The following NFE2L3 variants were observed in gnomAD, a reference collection of about 807,000 sequenced individuals.
NFE2L3 encodes NFE2 like bZIP transcription factor 3, also known as nuclear factor erythroid 2-related factor 3.
In NFE2L3, 18 loss-of-function variants were observed where a neutral mutation model predicts 23.5. The ratio of observed to expected loss-of-function variants is 0.77; its 90% CI spans 0.53 to 1.13. The LOEUF (loss-of-function observed/expected upper bound fraction) is 1.13, where lower values mean the gene tolerates loss of function less well. NFE2L3 is among the 50% of genes most tolerant of loss of function. NFE2L3 has a pLI of 0.00. For synonymous variants in NFE2L3, 424 were observed against 354.5 expected (o/e 1.20, Z -2.20); for missense variants, 1,152 against 877.2 (o/e 1.31, Z -3.96).
intron 1 of NFE2L3, among the ~76,000 whole-genome samples, chr7:26,169,507 T>C (rs762272750): frequency 3.3e-5 from 5 of 152,198 alleles, no homozygotes; most frequent in South Asian, 4.1e-4. Flanking sequence ...GACTCTTGGC[T>C]GCTGGAGGCT....
chr7:26,185,843 G>C lies in NFE2L3; in HGVS notation c.*60G>C, dbSNP rs1033019904. 7.4e-7 allele frequency: 1 copy of C among 1,360,512 alleles called. No individual in the cohort carries two copies. Among genetic ancestry groups the C allele is most frequent in the Non-Finnish European group, 9.9e-7 (1 of 1,006,888 alleles). The allele number at this position is 1,360,512 out of a possible 1,614,324, so 84.3% of individuals were successfully genotyped here. On this transcript the variant is annotated 3_prime_UTR_variant, in exon 4 of 4. Transcript: ENST00000056233. Reference sequence around the variant, plus strand: ...AGTAATGTTCAGAAACTGATTATTTGGATCAGAAACCATTGAAACTGCTTC... The same window carrying C: ...AGTAATGTTCAGAAACTGATTATTTCGATCAGAAACCATTGAAACTGCTTC...
chr7:26,176,469 G>T (rs1274952106), intron 1 of NFE2L3, among the ~76,000 whole-genome samples: 1 of 149,636 alleles, frequency 6.7e-6, no homozygotes, highest in African/African-American at 2.5e-5. Flanking sequence ...CTTCCCAGAC[G>T]GGGCGGCCGG....
rs778747230 is a variant in NFE2L3, at chr7:26,185,136, C to G, written c.1438C>G (p.Gln480Glu). Residue 480 changes from glutamine to glutamate, a missense_variant, in exon 4 of 4, where the codon CAA becomes GAA. By Grantham distance (29) the Gln-to-Glu change is conservative (BLOSUM62 2). Coordinates refer to ENST00000056233, the MANE Select transcript of NFE2L3 (RefSeq NM_004289.7). ...PEPSKLCHLDQSDSDFHGDLT... is the reference protein window; with the variant it reads ...PEPSKLCHLDESDSDFHGDLT... ...ACCCAGTAAGCTTTGTCACTTGGAT[C>G]AAAGTGATTCTGATTTCCATGGAGA... 5 of 1,613,726 alleles carry G rather than the reference C, an allele frequency of 3.1e-6. No individual in the cohort carries two copies. The highest frequency in any genetic ancestry group is 3.3e-5 in the Admixed American group (2 of 59,988).
chr7:26,181,636 CT>C (rs756741693), intron 2 of NFE2L3, among the ~76,000 whole-genome samples: 25 of 152,018 alleles, frequency 1.6e-4, no homozygotes, highest in Non-Finnish European at 2.8e-4. Flanking sequence ...AAATGCTCAC[CT>C]TTTAAGAATT....
intron 1 of NFE2L3, among the ~76,000 whole-genome samples, chr7:26,163,368 C>T (rs979660558): frequency 3.9e-5 from 6 of 152,108 alleles, no homozygotes; most frequent in Admixed American, 2.6e-4. Context: ...TTTTTTGAAA[C>T]GGAGATTTGC....
rs1324654502 is a variant in NFE2L3 at position 26,187,102 on chromosome 7, A to C, written c.*1319A>C. ...TTTATATATACCGTTGGATTTTTAT[A>C]ATAAAGTTTCCCAAGACCTGTTATT... is the stretch of plus-strand genomic sequence containing the variant. On this transcript the variant is annotated 3_prime_UTR_variant, in exon 4 of 4. Transcript: ENST00000056233. 2.0e-5 allele frequency: 3 copies of C among 152,172 alleles called. No homozygotes were observed. The highest frequency in any genetic ancestry group is 4.4e-5 in the Non-Finnish European group (3 of 68,010). The allele number at this position is 152,172 out of a possible 1,614,324, so 9.4% of individuals were successfully genotyped here.
chr7:26,164,165 TA>T (rs1284256199), intron 1 of NFE2L3, among the ~76,000 whole-genome samples: 3 of 152,260 alleles, frequency 2.0e-5, no homozygotes, highest in Non-Finnish European at 4.4e-5. Flanking sequence ...CCTTTGGGTA[TA>T]TACCCAGTAA....
intron 1 of NFE2L3, among the ~76,000 whole-genome samples, chr7:26,161,198 A>T (rs962029245): frequency 1.3e-5 from 2 of 152,212 alleles, no homozygotes; most frequent in Non-Finnish European, 2.9e-5. Flanking sequence ...AAGGATCATG[A>T]TCACCAACTT....
intron 1 of NFE2L3, among the ~76,000 whole-genome samples, chr7:26,170,843 G>A (rs1290937588): frequency 1.3e-5 from 2 of 152,158 alleles, no homozygotes; most frequent in African/African-American, 4.8e-5. Context: ...AGGATCACTT[G>A]AGCCTAGAAG....
intron 1 of NFE2L3, among the ~76,000 whole-genome samples, chr7:26,168,593 A>G (rs1022635064): frequency 3.3e-5 from 5 of 150,088 alleles, no homozygotes; most frequent in South Asian, 4.2e-4. Flanking sequence ...ATATATTTCT[A>G]TCTCACAATT....
chr7:26,178,646 C>CT (rs1312220139), intron 2 of NFE2L3, among the ~76,000 whole-genome samples: 1 of 152,190 alleles, frequency 6.6e-6, no homozygotes, highest in Non-Finnish European at 1.5e-5. Context: ...TAACCTTACT[C>CT]TTTGGCTGTG....
intron 1 of NFE2L3, among the ~76,000 whole-genome samples, chr7:26,172,603 C>T (rs1290581573): frequency 6.6e-6 from 1 of 152,190 alleles, no homozygotes; most frequent in Admixed American, 6.5e-5. Context: ...ACTCCTCTCT[C>T]AGTGTTTCTT....
chr7:26,157,639 T>C (rs1784101838), intron 1 of NFE2L3, among the ~76,000 whole-genome samples: 1 of 152,248 alleles, frequency 6.6e-6, no homozygotes, highest in Admixed American at 6.5e-5. Context: ...TACATTGCGT[T>C]TATGACAAGC....
intron 1 of NFE2L3, among the ~76,000 whole-genome samples, chr7:26,160,756 T>C (rs781772837): frequency 2.0e-5 from 3 of 152,254 alleles, no homozygotes; most frequent in Non-Finnish European, 4.4e-5. Context: ...ATGTACAGAA[T>C]ACCTTCAGAG....
rs1260523063 is a variant in NFE2L3, at chr7:26,186,470, C to G, written c.*687C>G. 1 of 151,074 alleles carries G rather than the reference C, an allele frequency of 6.6e-6. No individual in the cohort carries two copies. Among genetic ancestry groups the G allele is most frequent in the African/African-American group, 2.4e-5 (1 of 41,230 alleles). 9.4% of individuals were successfully genotyped at this position (151,074 alleles called of 1,614,324 possible). A position where few individuals can be genotyped will look rare whatever the true frequency, so the allele number is the denominator to read the frequency against. On this transcript the variant is annotated 3_prime_UTR_variant, in exon 4 of 4. Transcript: ENST00000056233. ...ATCCATAGTAAGGCAAATCCACCCC[C>G]CTACCCCAATACTTAACACACAGAA...
chr7:26,184,291 C>G, intron 3 of NFE2L3: 2 of 449,848 alleles, frequency 4.4e-6, no homozygotes, highest in East Asian at 3.8e-5. Flanking sequence ...TTAAGAAAAT[C>G]CAGTCAGCTT....
chr7:26,173,709 T>C (rs1446081677), intron 1 of NFE2L3: 2 of 152,334 alleles, frequency 1.3e-5, no homozygotes, highest in Admixed American at 6.5e-5. Flanking sequence ...AAGATCTCTA[T>C]CAAAGTCTTA....
In NFE2L3 at chr7:26,152,396, A is replaced by T; in HGVS notation, c.-103A>T. On this transcript the variant is annotated 5_prime_UTR_variant, in exon 1 of 4. Coordinates refer to ENST00000056233, the MANE Select transcript of NFE2L3 (RefSeq NM_004289.7). This position sits in a 1 kb window ranked among gnomAD's most constrained non-coding sequence, Gnocchi z 4.4. ...CCATTGTTTCGCTTATCTGGGTTCC[A>T]GGCAGGTGCGGGCGGCGCGCGGGGT... 2 of 808,706 alleles carry T rather than the reference A, an allele frequency of 2.5e-6. No homozygotes were observed. The highest frequency in any genetic ancestry group is 3.2e-6 in the Non-Finnish European group (2 of 621,480). The allele number at this position is 808,706 out of a possible 1,614,324, so 50.1% of individuals were successfully genotyped here. A position where few individuals can be genotyped will look rare whatever the true frequency, so the allele number is the denominator to read the frequency against.
chr7:26,163,953 A>AT (rs1317186130), intron 1 of NFE2L3, among the ~76,000 whole-genome samples: 1 of 152,180 alleles, frequency 6.6e-6, no homozygotes, highest in Non-Finnish European at 1.5e-5. Flanking sequence ...GATGGTTTGC[A>AT]GCTTCATCCA....
Sources: gnomAD v4.1 joint callset for allele counts (sites outside exome capture counted in the v4.1 genomes callset) on GRCh38, gnomAD v4.1.1 for gene constraint, Gnocchi (gnomAD v3.1) non-coding constraint, MANE v1.5 for transcripts, NCBI Gene and HGNC (gene_info 2026-07-23, HGNC 2026-07-21) for gene names.